OTUD7B: variants seen among roughly 807,000 people sequenced by gnomAD.
The protein encoded by OTUD7B is OTU deubiquitinase 7B.
A neutral mutation model predicts 82.2 loss-of-function variants in OTUD7B; 34 were observed. The observed-to-expected ratio is 0.41, with a 90% CI of 0.31 to 0.55. The LOEUF (loss-of-function observed/expected upper bound fraction) is 0.55. Among genes scored for constraint, OTUD7B ranks in the 20% least tolerant of loss-of-function variants. The probability of loss-of-function intolerance (pLI) is 0.20; values close to 1 mark genes in which losing one functional copy is unlikely to be tolerated. For missense variants in OTUD7B, 944 were observed against 1,062.1 expected (o/e 0.89, Z 1.55); for synonymous variants, 398 against 402.7 (o/e 0.99, Z 0.14).
intron 1 of OTUD7B, among the ~76,000 whole-genome samples, chr1:150,007,684 T>C (rs1652755793): frequency 6.6e-6 from 1 of 152,174 alleles, no homozygotes; most frequent in African/African-American, 2.4e-5. Context: ...GATGTCTTAT[T>C]TAAAAACAAA....
Position 149,944,311 on chromosome 1 carries a change from G to A in OTUD7B, c.2078C>T (p.Pro693Leu). Residue 693 changes from proline to leucine, a missense_variant, in exon 12 of 12, where the codon CCT (proline) becomes CTT (leucine). Pro to Leu is a moderately conservative substitution (Grantham distance 98, BLOSUM62 -3). This residue lies in a region of OTUD7B where 412 missense variants were observed against 418.7 expected (regional missense o/e 0.98). Transcript: ENST00000581312. The stretch of plus-strand genomic sequence containing the variant: ...CGGCCGAGGGATAGTAAAGTCCCCA[G>A]GGTAGCCAGTGGAAAATGCCATTGC... ...SRAMAFSTGY[P>L]GDFTIPRPSG... The A allele has an allele frequency of 6.2e-7, 1 of 1,611,192 alleles. No homozygotes were observed.
At chr1:150,006,268 T>C (rs1416952261) in intron 1 of OTUD7B, among the ~76,000 whole-genome samples, 9 of 152,126 alleles carry the variant, frequency 5.9e-5, no homozygotes, top group African/African-American at 9.7e-5. Context: ...CCATCCTGGC[T>C]AACACGGTGA....
chr1:150,043,248 T>C, the OTUD7B span, among the ~76,000 whole-genome samples: 1 of 152,136 alleles, frequency 6.6e-6, no homozygotes, highest in African/African-American at 2.4e-5. Context: ...CTCTAAGTGA[T>C]ACCCTGATAA....
rs7536208 is a variant in OTUD7B at position 150,006,441 on chromosome 1, G to T, written c.-67+4007C>A. Among the ~76,000 whole-genome samples the T allele has an allele frequency of 2.1e-3, 320 of 152,258 alleles. 1 individual carries two copies. Among genetic ancestry groups the T allele is most frequent in the African/African-American group, 7.5e-3 (312 of 41,558 alleles). On this transcript the variant is annotated intron_variant, in intron 1 of 11. Coordinates refer to ENST00000581312, the MANE Select transcript of OTUD7B (RefSeq NM_020205.4). ...CACTGTACTTCAGTCTGGGAGCAAA[G>T]TTGTCATTTTTCCTAAACCTCCATA...
the OTUD7B span, among the ~76,000 whole-genome samples, chr1:150,051,950 T>C: frequency 6.6e-6 from 1 of 152,184 alleles, no homozygotes; most frequent in Non-Finnish European, 1.5e-5. Flanking sequence ...TAAAAGATTA[T>C]TTCAATATAA....
intron 1 of OTUD7B, among the ~76,000 whole-genome samples, chr1:150,004,881 G>A (rs1195520830): frequency 6.6e-6 from 1 of 150,946 alleles, no homozygotes; most frequent in Admixed American, 6.6e-5. Flanking sequence ...ATTTATTTTG[G>A]AGACAGAGTC....
At chr1:149,993,948 C>T (rs1651761984) in intron 1 of OTUD7B, among the ~76,000 whole-genome samples, 1 of 152,158 alleles carries the variant, frequency 6.6e-6, no homozygotes, top group African/African-American at 2.4e-5. Context: ...GGCAATGCTT[C>T]ACAATGACCA....
At chr1:150,046,008 AC>A in the OTUD7B span, among the ~76,000 whole-genome samples, 1 of 152,246 alleles carries the variant, frequency 6.6e-6, no homozygotes, top group South Asian at 2.1e-4. Flanking sequence ...AGTTTATTGA[AC>A]CATTAAAAAT....
intron 6 of OTUD7B, chr1:149,963,549 G>GC (rs1649299316): frequency 1.2e-4 from 1 of 8,458 alleles, no homozygotes; most frequent in South Asian, 9.6e-3. Flanking sequence ...TTTTGTTTTT[G>GC]TTTTTTTTTG....
At chr1:150,037,249 C>CTTTTTT in the OTUD7B span, among the ~76,000 whole-genome samples, 377 of 147,038 alleles carry the variant, frequency 2.6e-3, 3 homozygotes, top group African/African-American at 9.0e-3. Flanking sequence ...AAAATACCCT[C>CTTTTTT]TTTTTTTTTT....
rs781800833 is a variant in OTUD7B, at chr1:149,967,364, AT to A, written c.431del (p.Asn144MetfsTer8). 1 of 1,614,158 alleles carries A rather than the reference AT, an allele frequency of 6.2e-7. No individual in the cohort carries two copies. Among genetic ancestry groups the A allele is most frequent in the Non-Finnish European group, 8.5e-7 (1 of 1,180,030 alleles). ...AFQLPDLTVY[N>X]EDFRSFIERD... is the part of the protein sequence containing the mutation. Reference sequence around the variant, plus strand: ...TCTCTATGAAGCTGCGGAAGTCTTCATTGTATACAGTGAGATCTGGAAGCTG... The same window carrying A: ...TCTCTATGAAGCTGCGGAAGTCTTCATGTATACAGTGAGATCTGGAAGCTG... On this transcript the variant is annotated frameshift_variant, in exon 4 of 12. Transcript: ENST00000581312. LOFTEE classifies it high-confidence loss of function.
chr1:150,033,755 C>T, the OTUD7B span, among the ~76,000 whole-genome samples: 9 of 152,182 alleles, frequency 5.9e-5, no homozygotes, highest in South Asian at 4.1e-4. Context: ...GATGGAATCT[C>T]GCTGTCACCA....
chr1:150,043,539 A>G, the OTUD7B span, among the ~76,000 whole-genome samples: 2 of 152,126 alleles, frequency 1.3e-5, no homozygotes, highest in Non-Finnish European at 2.9e-5. Flanking sequence ...CAAAAATGGA[A>G]TAGACTTATT....
chr1:150,014,396 CAA>C (rs149994819), upstream of OTUD7B, among the ~76,000 whole-genome samples: 3 of 117,024 alleles, frequency 2.6e-5, no homozygotes, highest in Non-Finnish European at 3.4e-5. Flanking sequence ...GAAAGTGTCT[CAA>C]AAAAAAAAAA....
intron 11 of OTUD7B, 50 bp from the exon 12 acceptor site, chr1:149,945,115 G>T: frequency 6.4e-7 from 1 of 1,572,772 alleles, no homozygotes; most frequent in Non-Finnish European, 8.6e-7. Context: ...GCCTGGGGTG[G>T]GGGAATCCCC....
chr1:150,048,314 AAAGGAAAAACATTTCCT>A, the OTUD7B span: 1 of 152,252 alleles, frequency 6.6e-6, no homozygotes. Context: ...TCATCGATAG[AAAGGAAAAACATTTCCT>A]AAGAAATGTC....
chr1:150,040,998 C>T, the OTUD7B span, among the ~76,000 whole-genome samples: 1 of 152,122 alleles, frequency 6.6e-6, no homozygotes, highest in Non-Finnish European at 1.5e-5. Flanking sequence ...GTGTTTGCCA[C>T]AGCGCCTGGC....
rs186086542 is a variant in OTUD7B at position 149,968,646 on chromosome 1, C to G, written c.275-1125G>C. Among the ~76,000 whole-genome samples the G allele has an allele frequency of 4.9e-4, 74 of 152,322 alleles. 1 individual carries two copies. Among genetic ancestry groups the G allele is most frequent in the Admixed American group, 1.2e-3 (19 of 15,304 alleles). ...TACAACATTTGCCAGATATGATACA[C>G]AAAATAAACTGAGTTGTCTAAAGTT... On this transcript the variant is annotated intron_variant, in intron 3 of 11. Transcript: ENST00000581312.
At chr1:150,066,048 A>G in the OTUD7B span, among the ~76,000 whole-genome samples, 1 of 152,214 alleles carries the variant, frequency 6.6e-6, no homozygotes, top group Non-Finnish European at 1.5e-5. The surrounding 1 kb of genome is among the most constrained non-coding windows in gnomAD (Gnocchi z 4.6). Context: ...ACTATTGTTT[A>G]AAAAGGCACG....
Sources: allele counts gnomAD v4.1 joint callset (sites outside exome capture counted in the v4.1 genomes callset), GRCh38; gene constraint gnomAD v4.1.1; regional missense constraint gnomAD v4.1.1; non-coding constraint Gnocchi (gnomAD v3.1); transcripts MANE v1.5; gene names NCBI Gene and HGNC (gene_info 2026-07-23, HGNC 2026-07-21).